The following ATP8A2 variants were observed in gnomAD, a reference collection of about 807,000 sequenced individuals.
The protein encoded by ATP8A2 is ATPase phospholipid transporting 8A2, also known as phospholipid-transporting ATPase IB.
ATP8A2 carries 100 observed loss-of-function variants against 165.6 expected under a neutral mutation model. That is an observed-to-expected ratio of 0.60 (90% CI 0.51 to 0.71). ATP8A2 has a LOEUF of 0.71. Among genes scored for constraint, ATP8A2 ranks in the 30% least tolerant of loss-of-function variants. The pLI is 0.00. For missense variants in ATP8A2, 1,227 were observed against 1,479.5 expected (o/e 0.83, Z 2.80); for synonymous variants, 543 against 548.8 (o/e 0.99, Z 0.15).
At chr13:25,429,472 G>T (rs1041913176) in intron 1 of ATP8A2, among the ~76,000 whole-genome samples, 4 of 151,726 alleles carry the variant, frequency 2.6e-5, no homozygotes, top group African/African-American at 9.7e-5. Flanking sequence ...TTCTCCCCAA[G>T]AAGGAAAATG....
intron 33 of ATP8A2, among the ~76,000 whole-genome samples, chr13:25,898,985 G>A (rs1034138251): frequency 6.6e-6 from 1 of 152,212 alleles, no homozygotes; most frequent in Non-Finnish European, 1.5e-5. Context: ...TCCCGGGTGA[G>A]GTTATGCCTT....
intron 24 of ATP8A2, among the ~76,000 whole-genome samples, chr13:25,605,690 T>G (rs1005391801): frequency 6.6e-6 from 1 of 151,754 alleles, no homozygotes; most frequent in African/African-American, 2.4e-5. Flanking sequence ...GCTGAGATTG[T>G]ATCTCTAGAT....
At chr13:25,570,722 G>C in intron 16 of ATP8A2, 45 bp from the exon 17 acceptor site, 1 of 1,467,986 alleles carries the variant, frequency 6.8e-7, no homozygotes, top group South Asian at 1.2e-5. Context: ...CCTGGTGCCT[G>C]TTGAAGGTGT....
intron 33 of ATP8A2, among the ~76,000 whole-genome samples, chr13:25,928,464 T>C (rs1452446403): frequency 6.6e-6 from 1 of 152,194 alleles, no homozygotes; most frequent in Non-Finnish European, 1.5e-5. Flanking sequence ...GTCCCTTCTA[T>C]ATAGAGAAGA....
chr13:25,970,629 G>C (rs2139215569), intron 35 of ATP8A2, among the ~76,000 whole-genome samples: 1 of 152,316 alleles, frequency 6.6e-6, no homozygotes, highest in East Asian at 1.9e-4. Flanking sequence ...CATAGAAGAA[G>C]GCTAATATTT....
At chr13:25,374,737 A>G (rs866351605) in intron 1 of ATP8A2, among the ~76,000 whole-genome samples, 3 of 152,110 alleles carry the variant, frequency 2.0e-5, no homozygotes, top group South Asian at 2.1e-4. Context: ...GTATTTGCAT[A>G]ATGTATGGAG....
intron 27 of ATP8A2, among the ~76,000 whole-genome samples, chr13:25,818,976 T>C (rs902381780): frequency 2.0e-5 from 3 of 152,208 alleles, no homozygotes; most frequent in African/African-American, 7.2e-5. Flanking sequence ...TTCTTTGAAG[T>C]TGAAGTGATG....
chr13:25,744,556 T>C (rs17686158), intron 25 of ATP8A2, among the ~76,000 whole-genome samples: 20,397 of 152,242 alleles, frequency 0.13, 1,515 homozygotes, highest in East Asian at 0.23. Context: ...TCATTTCAGT[T>C]ACATCAGTGA....
At chr13:25,392,900 G>A (rs1181672292) in intron 1 of ATP8A2, among the ~76,000 whole-genome samples, 1 of 131,328 alleles carries the variant, frequency 7.6e-6, no homozygotes, top group Non-Finnish European at 1.6e-5. Flanking sequence ...AAACAATGAA[G>A]CCTCATCTCT....
Position 25,531,271 on chromosome 13 carries a change from GAT to G in ATP8A2, c.420+618_420+619del, listed in dbSNP as rs1361089435. Reference sequence around the variant, plus strand: ...TATATATGATATATATGATATATATGATATATATGTTATATATGATATATATG... The same window carrying G: ...TATATATGATATATATGATATATATGATATATGTTATATATGATATATATG... On this transcript the variant is annotated intron_variant, in intron 4 of 36. Transcript: ENST00000381655. Among the ~76,000 whole-genome samples the G allele has an allele frequency of 7.0e-4, 69 of 98,962 alleles. 3 individuals carry two copies. Among genetic ancestry groups the G allele is most frequent in the African/African-American group, 2.6e-3 (62 of 24,118 alleles). 64.9% of individuals were successfully genotyped at this position (98,962 alleles called of 152,430 possible).
At chr13:25,512,266 T>G (rs1355296828) in intron 2 of ATP8A2, among the ~76,000 whole-genome samples, 2 of 152,306 alleles carry the variant, frequency 1.3e-5, no homozygotes, top group Non-Finnish European at 2.9e-5. Flanking sequence ...ACAAAAAGTC[T>G]CCCATGTCTA....
chr13:25,879,287 C>A (rs187359654), intron 33 of ATP8A2, among the ~76,000 whole-genome samples: 10 of 152,302 alleles, frequency 6.6e-5, no homozygotes, highest in Non-Finnish European at 1.5e-4. Flanking sequence ...CTGAGAGGGA[C>A]AGCAGGAGGC....
intron 33 of ATP8A2, among the ~76,000 whole-genome samples, chr13:25,882,225 C>T (rs1245631657): frequency 1.3e-5 from 2 of 152,104 alleles, no homozygotes; most frequent in African/African-American, 2.4e-5. Context: ...TTATCATTAT[C>T]GTATTAGGAA....
chr13:25,988,911 C>A (rs1490865550), intron 35 of ATP8A2, among the ~76,000 whole-genome samples: 1 of 152,150 alleles, frequency 6.6e-6, no homozygotes, highest in African/African-American at 2.4e-5. Context: ...ACTGATTGGG[C>A]AGTGTGTTTT....
intron 33 of ATP8A2, among the ~76,000 whole-genome samples, chr13:25,925,062 G>A (rs1593569884): frequency 6.6e-6 from 1 of 152,042 alleles, no homozygotes; most frequent in Non-Finnish European, 1.5e-5. Flanking sequence ...GGTGTTCTGG[G>A]TTCCTTCTGT....
chr13:25,609,997 G>T (rs1008597448), intron 24 of ATP8A2, among the ~76,000 whole-genome samples: 15 of 151,836 alleles, frequency 9.9e-5, no homozygotes, highest in African/African-American at 3.6e-4. Flanking sequence ...TGAGTTCCTT[G>T]CAGATTCTGG....
chr13:25,999,108 C>G (rs1250670679), intron 35 of ATP8A2, among the ~76,000 whole-genome samples: 3 of 152,154 alleles, frequency 2.0e-5, no homozygotes, highest in Non-Finnish European at 4.4e-5. Context: ...CACCACAAAT[C>G]AGTTAATACA....
intron 27 of ATP8A2, among the ~76,000 whole-genome samples, chr13:25,802,202 T>C (rs749088503): frequency 3.9e-4 from 60 of 152,186 alleles, no homozygotes; most frequent in Non-Finnish European, 7.6e-4. Flanking sequence ...ATACATCATC[T>C]TAGAACTTGT....
At chr13:25,867,080 T>A (rs985859432) in intron 33 of ATP8A2, among the ~76,000 whole-genome samples, 15 of 151,992 alleles carry the variant, frequency 9.9e-5, no homozygotes, top group Non-Finnish European at 1.5e-5. Flanking sequence ...GCATACAATC[T>A]GCAACTCTGC....
Sources: gnomAD v4.1 joint callset for allele counts (sites outside exome capture counted in the v4.1 genomes callset) on GRCh38, gnomAD v4.1.1 for gene constraint, MANE v1.5 for transcripts, NCBI Gene and HGNC (gene_info 2026-07-23, HGNC 2026-07-21) for gene names.